Variants in CDH13 observed in about 807,000 individuals in gnomAD.
CDH13 encodes cadherin-13.
CDH13 carries 24 observed loss-of-function variants against 63.8 expected under a neutral mutation model. The observed-to-expected ratio is 0.38, with a 90% confidence interval of 0.27 to 0.53. The LOEUF is 0.53. Among genes scored for constraint, CDH13 ranks in the 20% least tolerant of loss-of-function variants. The pLI, the probability that CDH13 is intolerant of heterozygous loss-of-function variation, is 0.85. For synonymous variants in CDH13, 503 were observed against 355.3 expected, an observed-to-expected ratio of 1.42 and a Z score of -4.67; for missense variants, 1,049 against 903.1, an observed-to-expected ratio of 1.16 and a Z score of -2.07.
At chr16:83,103,287 C>T (rs927213576) in intron 3 of CDH13, among the ~76,000 whole-genome samples, 2 of 122,860 alleles carry the variant, frequency 1.6e-5, no homozygotes, top group South Asian at 2.8e-4. Context: ...CTCTGTTGCC[C>T]GGGATGAAGT....
chr16:83,544,705 A>G (rs2075353724), intron 7 of CDH13, among the ~76,000 whole-genome samples: 1 of 152,214 alleles, frequency 6.6e-6, no homozygotes, highest in South Asian at 2.1e-4. Context: ...TCAAAAAATT[A>G]TGAGTGAAAT....
chr16:83,570,718 AAATT>A (rs1904502831), intron 7 of CDH13, among the ~76,000 whole-genome samples: 1 of 145,192 alleles, frequency 6.9e-6, no homozygotes, highest in South Asian at 2.1e-4. Flanking sequence ...ATATTTATAT[AAATT>A]ATTATATATT....
At chr16:83,540,107 C>G (rs2075272233) in intron 7 of CDH13, among the ~76,000 whole-genome samples, 3 of 149,264 alleles carry the variant, frequency 2.0e-5, no homozygotes, top group Non-Finnish European at 4.4e-5. Context: ...ACTCTGTCAC[C>G]AGGCTGGAGT....
chr16:83,279,547 C>G (rs959774868), intron 5 of CDH13, among the ~76,000 whole-genome samples: 6 of 152,146 alleles, frequency 3.9e-5, no homozygotes, highest in Non-Finnish European at 5.9e-5. Context: ...TAAATCTCAC[C>G]TTAAAGGTCA....
At chr16:82,690,236 A>G (rs1422143339) in intron 1 of CDH13, among the ~76,000 whole-genome samples, 1 of 151,608 alleles carries the variant, frequency 6.6e-6, no homozygotes, top group Non-Finnish European at 1.5e-5. Flanking sequence ...GTGGAGGGAA[A>G]TAAATATGAA....
chr16:82,803,690 C>T (rs1423144032), intron 1 of CDH13, among the ~76,000 whole-genome samples: 1 of 152,070 alleles, frequency 6.6e-6, no homozygotes, highest in Non-Finnish European at 1.5e-5. Context: ...GATGAACCTG[C>T]AGGATATTAT....
intron 1 of CDH13, among the ~76,000 whole-genome samples, chr16:82,696,343 AG>A (rs1438548274): frequency 1.3e-5 from 2 of 152,242 alleles, no homozygotes; most frequent in East Asian, 3.8e-4. Flanking sequence ...AACAAAAATT[AG>A]AAAAAACACA....
intron 9 of CDH13, 109 bp downstream of exon 9, chr16:83,671,081 C>T: frequency 1.1e-6 from 1 of 925,152 alleles, no homozygotes; most frequent in Non-Finnish European, 1.6e-6. Context: ...TTCCCCCAGT[C>T]TCCTCCTTCT....
chr16:83,136,985 T>C (rs1239944304), intron 4 of CDH13, among the ~76,000 whole-genome samples: 1 of 152,188 alleles, frequency 6.6e-6, no homozygotes, highest in Non-Finnish European at 1.5e-5. Context: ...TGTTTAACAA[T>C]GGACTTCCAT....
At chr16:82,678,907 A>G (rs1914236047) in intron 1 of CDH13, among the ~76,000 whole-genome samples, 1 of 152,230 alleles carries the variant, frequency 6.6e-6, no homozygotes, top group South Asian at 2.1e-4. Flanking sequence ...GAAAAGGCCA[A>G]TAATTGGGAC....
chr16:83,320,926 C>T (rs373081272), intron 5 of CDH13, among the ~76,000 whole-genome samples: 7 of 152,298 alleles, frequency 4.6e-5, no homozygotes, highest in African/African-American at 1.7e-4. Flanking sequence ...AAAAGAATCC[C>T]AAGACCAAAA....
chr16:82,865,714 GC>G (rs536338723), intron 2 of CDH13, among the ~76,000 whole-genome samples: 116 of 152,268 alleles, frequency 7.6e-4, no homozygotes, highest in South Asian at 1.2e-3. Flanking sequence ...TTACCCACCA[GC>G]CCTGTTACAC....
chr16:82,771,037 G>A (rs1237992936), intron 1 of CDH13, among the ~76,000 whole-genome samples: 1 of 152,090 alleles, frequency 6.6e-6, no homozygotes, highest in Non-Finnish European at 1.5e-5. Flanking sequence ...TTTTTTATGT[G>A]TATATTTTTA....
intron 7 of CDH13, among the ~76,000 whole-genome samples, chr16:83,519,712 G>T (rs968433501): frequency 6.6e-6 from 1 of 152,174 alleles, no homozygotes; most frequent in Non-Finnish European, 1.5e-5. Context: ...AATGAAGGAT[G>T]CTCTAGGGCA....
intron 1 of CDH13, among the ~76,000 whole-genome samples, chr16:82,767,666 C>A (rs560138053): frequency 1.3e-5 from 2 of 152,306 alleles, no homozygotes; most frequent in East Asian, 3.9e-4. Flanking sequence ...TCATATTCTG[C>A]CCTTCCTCTG....
At chr16:83,167,462 T>A (rs567322995) in intron 4 of CDH13, among the ~76,000 whole-genome samples, 1 of 143,920 alleles carries the variant, frequency 6.9e-6, no homozygotes, top group African/African-American at 2.6e-5. Context: ...ATCACACCAT[T>A]GCACTCCAGC....
chr16:83,773,124 C>G (rs1458391616), intron 11 of CDH13, among the ~76,000 whole-genome samples: 1 of 152,120 alleles, frequency 6.6e-6, no homozygotes, highest in East Asian at 1.9e-4. Flanking sequence ...AGACACTATT[C>G]CTTTCCATGA....
At chr16:82,937,894 A>C (rs2151304509) in intron 2 of CDH13, among the ~76,000 whole-genome samples, 1 of 152,340 alleles carries the variant, frequency 6.6e-6, no homozygotes, top group Admixed American at 6.5e-5. Flanking sequence ...GGAGGTAAAA[A>C]TATTTTTAAA....
In CDH13 at chr16:83,210,253, C is replaced by T. The variant is rs142213641; in HGVS notation, c.484-7092C>T. On this transcript the variant is annotated intron_variant, in intron 4 of 13. Transcript: ENST00000567109. ...CTAGTTTTTGTATTTTCAGTAGAGACGGGGTCTCACCATGTTGGCCAAGCT... is the reference window on the plus strand; with the variant it reads ...CTAGTTTTTGTATTTTCAGTAGAGATGGGGTCTCACCATGTTGGCCAAGCT... Among the ~76,000 whole-genome samples, 703 of 151,964 alleles carry T rather than the reference C, an allele frequency of 4.6e-3. 6 individuals carry two copies. Among genetic ancestry groups the T allele is most frequent in the African/African-American group, 0.016 (656 of 41,480 alleles).
Sources: allele counts gnomAD v4.1 joint callset (sites outside exome capture counted in the v4.1 genomes callset), GRCh38; gene constraint gnomAD v4.1.1; transcripts MANE v1.5; gene names NCBI Gene and HGNC (gene_info 2026-07-23, HGNC 2026-07-21).